OSBPL10: variants seen among roughly 807,000 people sequenced by gnomAD.
OSBPL10 encodes oxysterol-binding protein-related protein 10.
OSBPL10 carries 49 observed loss-of-function variants against 81.7 expected under a neutral mutation model. The observed-to-expected ratio is 0.60, with a 90% confidence interval of 0.48 to 0.76. The LOEUF is 0.76. Ranked by LOEUF, OSBPL10 falls within the 30% of genes least tolerant of loss-of-function variation. OSBPL10 has a pLI of 0.00. For missense variants in OSBPL10, 923 were observed against 987.8 expected (o/e 0.93, Z 0.88); for synonymous variants, 419 against 383.6 (o/e 1.09, Z -1.08).
chr3:31,935,889 A>C lies in OSBPL10; in HGVS notation c.281+45010T>G, dbSNP rs182685011. On this transcript the variant is annotated intron_variant, in intron 1 of 11. Coordinates refer to ENST00000396556, the MANE Select transcript of OSBPL10 (RefSeq NM_017784.5). ...TTGCGTTTAAGCAAGGGGTTCTGGA[A>C]ATAAAATTGCTGAAGTGATAACAAA... 2.7e-3 allele frequency among the ~76,000 whole-genome samples: 415 copies of C among 152,314 alleles called. 5 individuals carry two copies. The highest frequency in any genetic ancestry group is 9.5e-3 in the African/African-American group (394 of 41,556).
intron 5 of OSBPL10, among the ~76,000 whole-genome samples, chr3:31,747,564 C>T (rs149387727): frequency 6.7e-6 from 1 of 150,316 alleles, no homozygotes; most frequent in African/African-American, 2.4e-5. Context: ...TAATGTGATG[C>T]CAGCAAGTCT....
At position 31,868,639 on chromosome 3, in the gene OSBPL10, G is replaced by GA. The variant is rs1040350013; in HGVS notation, c.537+7793dup. On this transcript the variant is annotated intron_variant, in intron 3 of 11. Transcript: ENST00000396556. ...CAAATGAATCCACTTTCCATGTCCA[G>GA]AAAAAAAAAATCCAAAAACTATTGA... is the stretch of plus-strand genomic sequence containing the variant. Among the ~76,000 whole-genome samples, 502 of 148,438 alleles carry GA rather than the reference G, an allele frequency of 3.4e-3. 5 individuals carry two copies. The highest frequency in any genetic ancestry group is 9.9e-3 in the African/African-American group (400 of 40,536).
chr3:31,678,042 C>G (rs1173939100), intron 8 of OSBPL10, among the ~76,000 whole-genome samples: 3 of 141,166 alleles, frequency 2.1e-5, no homozygotes, highest in Non-Finnish European at 4.5e-5. Flanking sequence ...GATTGCGCCA[C>G]TGCAGTCCGC....
At chr3:31,851,542 C>T (rs1700765567) in intron 3 of OSBPL10, among the ~76,000 whole-genome samples, 1 of 152,234 alleles carries the variant, frequency 6.6e-6, no homozygotes, top group African/African-American at 2.4e-5. Flanking sequence ...AGGGCCAAGG[C>T]TCTGCCAGTC....
intron 4 of OSBPL10, among the ~76,000 whole-genome samples, chr3:31,819,545 C>A (rs550480581): frequency 1.3e-5 from 2 of 152,270 alleles, no homozygotes; most frequent in South Asian, 4.2e-4. Context: ...AGGCCAGGGG[C>A]CACGTAGGAG....
chr3:31,843,628 C>G (rs1700557890), intron 3 of OSBPL10, among the ~76,000 whole-genome samples: 1 of 152,100 alleles, frequency 6.6e-6, no homozygotes, highest in Non-Finnish European at 1.5e-5. Context: ...TCATTGTTGG[C>G]CCTCCTTCCT....
chr3:31,929,673 G>C (rs535115398), intron 1 of OSBPL10, among the ~76,000 whole-genome samples: 1 of 151,506 alleles, frequency 6.6e-6, no homozygotes, highest in Non-Finnish European at 1.5e-5. Context: ...GCGTGAACCC[G>C]GGAGGCGGAG....
chr3:31,980,166 C>A (rs1225952913), intron 1 of OSBPL10, among the ~76,000 whole-genome samples: 1 of 151,898 alleles, frequency 6.6e-6, no homozygotes, highest in African/African-American at 2.4e-5. Flanking sequence ...CCACGCCCGG[C>A]TAATTTTTTT....
In OSBPL10 at chr3:31,792,835, T is replaced by C. The variant is rs189255480; in HGVS notation, c.729+37205A>G. Among the ~76,000 whole-genome samples, 270 of 145,446 alleles carry C rather than the reference T, an allele frequency of 1.9e-3. 1 individual carries two copies. Among genetic ancestry groups the C allele is most frequent in the African/African-American group, 6.7e-3 (263 of 39,198 alleles). On this transcript the variant is annotated intron_variant, in intron 4 of 11. Transcript: ENST00000396556. ...GTGAGTTGGTGTGTGGGGGTGCGTT[T>C]TGCACTCTCAGCTATCTAGGCACTC...
At chr3:31,985,109 C>A (rs990634928), upstream of OSBPL10, among the ~76,000 whole-genome samples, 2 of 152,118 alleles carry the variant, frequency 1.3e-5, no homozygotes, top group African/African-American at 2.4e-5. Flanking sequence ...CGTGGTCATA[C>A]ACGCCTGTAG....
chr3:31,833,908 G>A (rs988689495), intron 3 of OSBPL10, among the ~76,000 whole-genome samples: 2 of 152,076 alleles, frequency 1.3e-5, no homozygotes, highest in Admixed American at 6.6e-5. Flanking sequence ...AACCATGATC[G>A]TAATTACTTA....
At chr3:31,718,549 T>C (rs1447183361) in intron 6 of OSBPL10, among the ~76,000 whole-genome samples, 1 of 152,194 alleles carries the variant, frequency 6.6e-6, no homozygotes, top group Non-Finnish European at 1.5e-5. Context: ...CCTGAACACA[T>C]CTTCATCCCG....
chr3:31,986,311 T>C (rs1245568891), intron 2 of OSBPL10: 2 of 152,244 alleles, frequency 1.3e-5, no homozygotes, highest in African/African-American at 4.8e-5. Context: ...ACCAAGGCCT[T>C]CTGACTCCAA....
chr3:31,753,185 ATTTT>A (rs34050690), intron 4 of OSBPL10, among the ~76,000 whole-genome samples: 12 of 140,996 alleles, frequency 8.5e-5, no homozygotes, highest in Admixed American at 1.4e-4. Context: ...TGCTTCAAGG[ATTTT>A]TTTTTTTTTT....
intron 5 of OSBPL10, among the ~76,000 whole-genome samples, chr3:31,747,487 T>TAAAAAAAAAAAAAAA (rs61150758): frequency 1.0e-5 from 1 of 98,486 alleles, no homozygotes; most frequent in African/African-American, 3.7e-5. Flanking sequence ...AATCTTCAAA[T>TAAAAAAAAAAAAAAA]AAAAAAAAAA....
chr3:31,872,890 C>T (rs893256282), intron 3 of OSBPL10, among the ~76,000 whole-genome samples: 1 of 152,158 alleles, frequency 6.6e-6, no homozygotes, highest in Non-Finnish European at 1.5e-5. Flanking sequence ...TCCCAAAGTG[C>T]TGGGATTACA....
intron 1 of OSBPL10, among the ~76,000 whole-genome samples, chr3:31,905,590 T>C (rs1013805735): frequency 6.6e-6 from 1 of 151,954 alleles, no homozygotes; most frequent in Non-Finnish European, 1.5e-5. Context: ...CCTCAAGTGA[T>C]CCACCTGCCT....
chr3:31,805,400 G>A (rs1699495521), intron 4 of OSBPL10, among the ~76,000 whole-genome samples: 1 of 152,138 alleles, frequency 6.6e-6, no homozygotes, highest in Non-Finnish European at 1.5e-5. Context: ...AGAAGCTCAT[G>A]GGGCTTCAAA....
chr3:31,861,737 C>T (rs182645055), intron 3 of OSBPL10, among the ~76,000 whole-genome samples: 34 of 152,246 alleles, frequency 2.2e-4, no homozygotes, highest in East Asian at 2.1e-3. Context: ...TATTTTATCT[C>T]AACATGTGTC....
Sources: allele counts gnomAD v4.1 joint callset (sites outside exome capture counted in the v4.1 genomes callset), GRCh38; gene constraint gnomAD v4.1.1; transcripts MANE v1.5; gene names NCBI Gene and HGNC (gene_info 2026-07-23, HGNC 2026-07-21).